Variants in RALGPS1 observed in about 807,000 individuals in gnomAD.
RALGPS1 encodes ras-specific guanine nucleotide-releasing factor RalGPS1.
RALGPS1 carries 19 observed loss-of-function variants against 78.8 expected under a neutral mutation model. The ratio of observed to expected loss-of-function variants is 0.24; its 90% confidence interval spans 0.17 to 0.35. The LOEUF is 0.35. Ranked by LOEUF, RALGPS1 falls within the 10% of genes least tolerant of loss-of-function variation. The probability of loss-of-function intolerance (pLI) is 1.00; values close to 1 mark genes in which losing one functional copy is unlikely to be tolerated. For missense variants in RALGPS1, 454 were observed against 688.3 expected, an observed-to-expected ratio of 0.66 and a Z score of 3.81; for synonymous variants, 228 against 256.3, an observed-to-expected ratio of 0.89 and a Z score of 1.06.
At chr9:126,936,949 C>A (rs1157327150) in intron 1 of RALGPS1, among the ~76,000 whole-genome samples, 1 of 151,238 alleles carries the variant, frequency 6.6e-6, no homozygotes, top group Non-Finnish European at 1.5e-5. Context: ...CCAAATAGTT[C>A]AGGTGATTCT....
At position 127,024,036 on chromosome 9, in the gene RALGPS1, C is replaced by CAA. The variant is rs61549879; in HGVS notation, c.217-10377_217-10376dup. Among the ~76,000 whole-genome samples the CAA allele has an allele frequency of 1.1e-3, 82 of 71,634 alleles. 1 individual carries two copies. The highest frequency in any genetic ancestry group is 4.5e-3 in the African/African-American group (76 of 16,998). The allele number at this position is 71,634 out of a possible 152,430, so 47.0% of individuals were successfully genotyped here. A position where few individuals can be genotyped will look rare whatever the true frequency, so the allele number is the denominator to read the frequency against. ...TGGGTGACAGAGTAAGACTCTGTCT[C>CAA]AAAAAAAAAAAAAAAAAAAGGACAG... On this transcript the variant is annotated intron_variant, in intron 4 of 18. Transcript: ENST00000259351.
intron 8 of RALGPS1, among the ~76,000 whole-genome samples, chr9:127,138,448 A>G (rs1405692547): frequency 6.6e-6 from 1 of 152,224 alleles, no homozygotes; most frequent in Non-Finnish European, 1.5e-5. Flanking sequence ...AGTTTGGATG[A>G]CAGAGGGCAA....
At chr9:126,942,830 C>G (rs1241683561) in intron 1 of RALGPS1, among the ~76,000 whole-genome samples, 4 of 152,080 alleles carry the variant, frequency 2.6e-5, no homozygotes, top group Non-Finnish European at 5.9e-5. Flanking sequence ...TGAAATGTCT[C>G]TCCTTTGATT....
At chr9:127,064,966 T>G (rs912256009) in intron 7 of RALGPS1, among the ~76,000 whole-genome samples, 5 of 152,098 alleles carry the variant, frequency 3.3e-5, no homozygotes, top group Non-Finnish European at 5.9e-5. Context: ...TGTTTTTTTG[T>G]TTTGGGTCTT....
At chr9:127,159,644 C>G (rs2058906626) in intron 8 of RALGPS1, among the ~76,000 whole-genome samples, 1 of 152,218 alleles carries the variant, frequency 6.6e-6, no homozygotes, top group Admixed American at 6.5e-5. Flanking sequence ...CTAGTTAATA[C>G]TCACAGTCTT....
chr9:127,153,978 GC>G (rs1409698278), intron 8 of RALGPS1, among the ~76,000 whole-genome samples: 2 of 152,208 alleles, frequency 1.3e-5, no homozygotes, highest in African/African-American at 4.8e-5. Context: ...CAGAGGAGAG[GC>G]AATACAAGGA....
At chr9:127,152,637 C>T (rs564928992) in intron 8 of RALGPS1, among the ~76,000 whole-genome samples, 1 of 152,234 alleles carries the variant, frequency 6.6e-6, no homozygotes, top group African/African-American at 2.4e-5. Flanking sequence ...AATTTCTGTC[C>T]TGTATATCTG....
chr9:127,101,718 G>C (rs867736380), intron 8 of RALGPS1, among the ~76,000 whole-genome samples: 1 of 152,202 alleles, frequency 6.6e-6, no homozygotes, highest in Non-Finnish European at 1.5e-5. Context: ...TTATGTCTGG[G>C]ATGGTGCCAG....
chr9:127,063,788 C>G (rs1349755668), intron 7 of RALGPS1, among the ~76,000 whole-genome samples: 3 of 152,326 alleles, frequency 2.0e-5, no homozygotes, highest in African/African-American at 7.2e-5. Context: ...GTATAGTATT[C>G]TAATTATGTA....
At chr9:127,191,389 A>G (rs1188806430) in intron 11 of RALGPS1, among the ~76,000 whole-genome samples, 1 of 152,162 alleles carries the variant, frequency 6.6e-6, no homozygotes, top group Admixed American at 6.5e-5. Flanking sequence ...AACATAAGGC[A>G]GGACTCTAAT....
intron 7 of RALGPS1, among the ~76,000 whole-genome samples, chr9:127,068,635 G>A (rs905186358): frequency 6.6e-6 from 1 of 152,168 alleles, no homozygotes; most frequent in African/African-American, 2.4e-5. Flanking sequence ...GCTTAGCCCT[G>A]GAGGGTTCTT....
At chr9:127,140,257 G>C (rs1225711525) in intron 8 of RALGPS1, among the ~76,000 whole-genome samples, 1 of 152,198 alleles carries the variant, frequency 6.6e-6, no homozygotes, top group Non-Finnish European at 1.5e-5. Flanking sequence ...AGTGCAACAG[G>C]TCAGTCTCTG....
intron 8 of RALGPS1, among the ~76,000 whole-genome samples, chr9:127,158,269 C>T (rs560660130): frequency 2.0e-5 from 3 of 151,694 alleles, no homozygotes; most frequent in Non-Finnish European, 2.9e-5. Flanking sequence ...GCAGTTTCTG[C>T]GATTAAAAGT....
intron 8 of RALGPS1, among the ~76,000 whole-genome samples, chr9:127,144,919 G>A (rs1421213414): frequency 6.6e-6 from 1 of 152,206 alleles, no homozygotes; most frequent in East Asian, 1.9e-4. Flanking sequence ...GAACAAAATA[G>A]TGATGATAGT....
At chr9:127,106,373 G>A (rs2137025667) in intron 8 of RALGPS1, among the ~76,000 whole-genome samples, 1 of 152,258 alleles carries the variant, frequency 6.6e-6, no homozygotes, top group Non-Finnish European at 1.5e-5. Flanking sequence ...GCTAAAAAAG[G>A]GACTGTTTAT....
At chr9:126,983,517 C>T (rs557843306) in intron 4 of RALGPS1, among the ~76,000 whole-genome samples, 3 of 152,260 alleles carry the variant, frequency 2.0e-5, no homozygotes, top group South Asian at 4.2e-4. Flanking sequence ...CATTATCACA[C>T]TTAACAAAAT....
At chr9:127,175,236 C>T (rs1564721809) in intron 11 of RALGPS1, among the ~76,000 whole-genome samples, 1 of 152,242 alleles carries the variant, frequency 6.6e-6, no homozygotes, top group South Asian at 2.1e-4. Context: ...CACACATACA[C>T]TGTCCCCTAG....
At chr9:127,025,832 C>T (rs1486172485) in intron 4 of RALGPS1, among the ~76,000 whole-genome samples, 1 of 152,038 alleles carries the variant, frequency 6.6e-6, no homozygotes, top group Admixed American at 6.6e-5. Flanking sequence ...GCTAGGACTG[C>T]AGGCAAGCAC....
Position 127,182,393 on chromosome 9 carries a change from C to G in RALGPS1, c.910+7611C>G, listed in dbSNP as rs868055628. On this transcript the variant is annotated intron_variant, in intron 11 of 18. Transcript: ENST00000259351. ...TCCTCCCTCCCTCCCTCCCTCCCTC[C>G]CTCCCTTCCTTCCTCCCTTCCTTCC... Among the ~76,000 whole-genome samples, 1,051 of 138,672 alleles carry G rather than the reference C, an allele frequency of 7.6e-3. 31 individuals carry two copies. The highest frequency in any genetic ancestry group is 0.027 in the African/African-American group (998 of 37,300). The allele number at this position is 138,672 out of a possible 152,430, so 91.0% of individuals were successfully genotyped here.
Sources: gnomAD v4.1 joint callset for allele counts (sites outside exome capture counted in the v4.1 genomes callset) on GRCh38, gnomAD v4.1.1 for gene constraint, MANE v1.5 for transcripts, NCBI Gene and HGNC (gene_info 2026-07-23, HGNC 2026-07-21) for gene names.